Variants in LCOR observed in about 807,000 individuals in gnomAD.
LCOR encodes the protein ligand-dependent corepressor.
A neutral mutation model predicts 64.4 loss-of-function variants in LCOR; 14 were observed. That is an observed-to-expected ratio of 0.22 (90% CI 0.14 to 0.34). The LOEUF (loss-of-function observed/expected upper bound fraction) is 0.34, where lower values mean the gene tolerates loss of function less well. Among genes scored for constraint, LCOR ranks in the 10% least tolerant of loss-of-function variants. LCOR has a pLI of 1.00. For missense variants in LCOR, 1,686 were observed against 1,765.3 expected, an observed-to-expected ratio of 0.96 and a Z score of 0.80; for synonymous variants, 643 against 642.5, an observed-to-expected ratio of 1.00 and a Z score of -0.01.
intron 7 of LCOR, among the ~76,000 whole-genome samples, chr10:96,977,519 A>G (rs114571564): frequency 0.051 from 7,719 of 152,300 alleles, 667 homozygotes; most frequent in African/African-American, 0.17. Context: ...AAGATAATAT[A>G]ATTTTTTAAG....
In LCOR at chr10:96,923,907, C is replaced by T. The variant is rs190287828; in HGVS notation, c.-184+16160C>T. Reference sequence around the variant, plus strand: ...GTTGTAAGCAACTCAGAGTAAGCAACAGAGACTCTATCTGGCCTGTAAAAC... The same window carrying T: ...GTTGTAAGCAACTCAGAGTAAGCAATAGAGACTCTATCTGGCCTGTAAAAC... On this transcript the variant is annotated intron_variant, in intron 4 of 7. Transcript: ENST00000421806. Among the ~76,000 whole-genome samples, 84 of 152,286 alleles carry T rather than the reference C, an allele frequency of 5.5e-4. 1 individual carries two copies. The East Asian group carries it at 0.013, about 24-fold the overall frequency.
chr10:96,891,836 C>G (rs1204193025), intron 2 of LCOR, among the ~76,000 whole-genome samples: 1 of 152,078 alleles, frequency 6.6e-6, no homozygotes, highest in Non-Finnish European at 1.5e-5. Flanking sequence ...AGCCACCACA[C>G]CTAGCCTGTA....
intron 4 of LCOR, among the ~76,000 whole-genome samples, chr10:96,937,830 C>T (rs538215602): frequency 5.3e-5 from 8 of 152,174 alleles, no homozygotes; most frequent in African/African-American, 1.9e-4. Context: ...AGTACCAGCA[C>T]AAAAAAATCC....
chr10:96,959,510 A>C (rs374728246), intron 7 of LCOR: 11 of 152,308 alleles, frequency 7.2e-5, no homozygotes, highest in African/African-American at 2.4e-4. Flanking sequence ...ATTCTGTGGA[A>C]GGATATCTAG....
intron 2 of LCOR, among the ~76,000 whole-genome samples, chr10:96,900,267 T>C (rs927294452): frequency 1.3e-5 from 2 of 152,152 alleles, no homozygotes; most frequent in Non-Finnish European, 2.9e-5. Context: ...ATTGTATGGA[T>C]ATACCACATT....
At position 96,920,434 on chromosome 10, in the gene LCOR, G is replaced by A. The variant is rs201996224; in HGVS notation, c.-184+12687G>A. On this transcript the variant is annotated intron_variant, in intron 4 of 7. Transcript: ENST00000421806. ...TATGTATATATATTCATATATATGT[G>A]TATATATGTGTATATATATGTATAT... Among the ~76,000 whole-genome samples, 632 of 123,924 alleles carry A rather than the reference G, an allele frequency of 5.1e-3. 7 individuals carry two copies. Among genetic ancestry groups the A allele is most frequent in the Non-Finnish European group, 6.3e-3 (390 of 61,524 alleles). The allele number at this position is 123,924 out of a possible 152,430, so 81.3% of individuals were successfully genotyped here.
At chr10:96,862,408 G>T (rs1204596927) in intron 2 of LCOR, among the ~76,000 whole-genome samples, 2 of 152,092 alleles carry the variant, frequency 1.3e-5, no homozygotes, top group Non-Finnish European at 2.9e-5. Context: ...TGGGACTATA[G>T]GTATGCACCA....
chr10:96,984,732 T>C lies in LCOR; in HGVS notation c.4272T>C (p.His1424=), dbSNP rs1848131208. 2 of 1,613,708 alleles carry C rather than the reference T, an allele frequency of 1.2e-6. No individual in the cohort carries two copies. Among genetic ancestry groups the C allele is most frequent in the Non-Finnish European group, 1.7e-6 (2 of 1,179,980 alleles). Reference sequence around the variant, plus strand: ...CGGTGAAAGCCAGCAAAGAAAAGCATGCTGATGGAGCCACCAAAACCCCTG... The same window carrying C: ...CGGTGAAAGCCAGCAAAGAAAAGCACGCTGATGGAGCCACCAAAACCCCTG... ...GPTVKASKEK[H]ADGATKTPAA... Residue 1424 remains histidine (H), a synonymous_variant, in exon 8 of 8, where the codon CAT becomes CAC. Transcript: ENST00000421806.
intron 5 of LCOR, among the ~76,000 whole-genome samples, chr10:96,945,550 C>T (rs577208006): frequency 6.6e-6 from 1 of 152,244 alleles, no homozygotes; most frequent in Admixed American, 6.5e-5. Flanking sequence ...GCTCAGAATT[C>T]TAAAATTATG....
chr10:96,917,380 G>A (rs1846971207), intron 4 of LCOR, among the ~76,000 whole-genome samples: 1 of 152,210 alleles, frequency 6.6e-6, no homozygotes, highest in Non-Finnish European at 1.5e-5. Flanking sequence ...AATCTATAAG[G>A]AGTTTTAAAT....
chr10:96,911,646 G>C (rs1216245959), intron 4 of LCOR, among the ~76,000 whole-genome samples: 1 of 152,164 alleles, frequency 6.6e-6, no homozygotes, highest in East Asian at 1.9e-4. Context: ...AAATTTCTCA[G>C]TTGGAAAGAG....
intron 2 of LCOR, among the ~76,000 whole-genome samples, chr10:96,875,761 C>T (rs1351531448): frequency 6.6e-6 from 1 of 151,934 alleles, no homozygotes; most frequent in African/African-American, 2.4e-5. Context: ...ACTTGGGAGG[C>T]TGAGGTGGGA....
intron 2 of LCOR, among the ~76,000 whole-genome samples, chr10:96,835,506 C>T (rs1354755268): frequency 6.6e-6 from 1 of 152,048 alleles, no homozygotes; most frequent in Non-Finnish European, 1.5e-5. Context: ...GAGGAGAGTT[C>T]TAAGTAAATT....
intron 2 of LCOR, among the ~76,000 whole-genome samples, chr10:96,869,851 A>G (rs911631800): frequency 1.3e-5 from 2 of 152,158 alleles, no homozygotes; most frequent in African/African-American, 2.4e-5. Context: ...CTGGGATTAC[A>G]GGCATAAGCC....
intron 5 of LCOR, among the ~76,000 whole-genome samples, chr10:96,945,779 G>A (rs1847576479): frequency 6.6e-6 from 1 of 152,018 alleles, no homozygotes; most frequent in Non-Finnish European, 1.5e-5. Context: ...TTTACATGGA[G>A]GAACCACTTT....
chr10:96,873,672 G>A (rs1336924948), intron 2 of LCOR, among the ~76,000 whole-genome samples: 4 of 145,420 alleles, frequency 2.8e-5, no homozygotes, highest in Admixed American at 1.4e-4. Flanking sequence ...GTGCAATCTC[G>A]GCTCACTGTA....
intron 4 of LCOR, among the ~76,000 whole-genome samples, chr10:96,941,720 TCAGA>T (rs1847484694): frequency 4.9e-5 from 7 of 143,026 alleles, no homozygotes; most frequent in Admixed American, 4.8e-4. Context: ...TCCTCACTTC[TCAGA>T]CGGGGCGGCC....
intron 4 of LCOR, among the ~76,000 whole-genome samples, chr10:96,933,976 G>A (rs1372139555): frequency 6.6e-6 from 1 of 152,158 alleles, no homozygotes; most frequent in African/African-American, 2.4e-5. Flanking sequence ...AGATTGAAGA[G>A]TTTTATAGCA....
At chr10:96,832,632 G>A (rs914941810) in intron 1 of LCOR, among the ~76,000 whole-genome samples, 2 of 150,066 alleles carry the variant, frequency 1.3e-5, no homozygotes, top group Admixed American at 1.3e-4. Flanking sequence ...CCTCCCCGGG[G>A]CTGGCTCTCG....
Sources: allele counts gnomAD v4.1 joint callset (sites outside exome capture counted in the v4.1 genomes callset), GRCh38; gene constraint gnomAD v4.1.1; transcripts MANE v1.5; gene names NCBI Gene and HGNC (gene_info 2026-07-23, HGNC 2026-07-21).